RPN1: variants seen among roughly 807,000 people sequenced by gnomAD.
The protein encoded by RPN1 is dolichyl-diphosphooligosaccharide--protein glycosyltransferase subunit 1.
In RPN1, 12 loss-of-function variants were observed where a neutral mutation model predicts 55.5. The observed-to-expected ratio is 0.22, with a 90% CI of 0.14 to 0.35. The LOEUF is 0.35. Among genes scored for constraint, RPN1 ranks in the 10% least tolerant of loss-of-function variants. The pLI is 1.00. For missense variants in RPN1, 679 were observed against 761.3 expected, an observed-to-expected ratio of 0.89 and a Z score of 1.27; for synonymous variants, 317 against 305.9, an observed-to-expected ratio of 1.04 and a Z score of -0.38.
chr3:128,648,961 T>C (rs1317959281), intron 1 of RPN1, among the ~76,000 whole-genome samples: 7 of 152,204 alleles, frequency 4.6e-5, no homozygotes, highest in African/African-American at 9.6e-5. Context: ...TTGCCTGCTA[T>C]ATGAGGATTT....
intron 9 of RPN1, 125 bp downstream of exon 9, chr3:128,622,039 G>A: frequency 1.1e-6 from 1 of 941,064 alleles, no homozygotes; most frequent in Non-Finnish European, 1.6e-6. Flanking sequence ...AAAAGTTATG[G>A]CCAGATGCAG....
At position 128,650,790 on chromosome 3, in the gene RPN1, G is replaced by T; in HGVS notation, c.11C>A (p.Pro4Gln). 1 of 1,534,876 alleles carries T rather than the reference G, an allele frequency of 6.5e-7. No individual in the cohort carries two copies. Among genetic ancestry groups the T allele is most frequent in the Non-Finnish European group, 8.8e-7 (1 of 1,138,546 alleles). Residue 4 changes from proline to glutamine, a missense_variant, in exon 1 of 10, where the codon CCA becomes CAA. Physicochemically the swap from Pro to Gln is moderately conservative, Grantham distance 76. Coordinates refer to ENST00000296255, the MANE Select transcript of RPN1 (RefSeq NM_002950.4). ...CAGGAGCAGAAACAAGCCGGCGGCT[G>T]GCGCCTCCATGACCGGGAAGAGCAG... MEA[P>Q]AAGLFLLLLL...
At chr3:128,630,193 G>T in intron 4 of RPN1, 50 bp from the exon 5 acceptor site, 1 of 1,318,892 alleles carries the variant, frequency 7.6e-7, no homozygotes, top group Non-Finnish European at 1.1e-6. Context: ...CCAGCTGAGA[G>T]GAAATGATCC....
chr3:128,625,697 A>G, intron 7 of RPN1, 44 bp from the exon 8 acceptor site: 6 of 1,612,678 alleles, frequency 3.7e-6, no homozygotes, highest in Non-Finnish European at 5.1e-6. Context: ...CTGTAGGGAC[A>G]TGGGAGCCTA....
intron 2 of RPN1, among the ~76,000 whole-genome samples, chr3:128,641,461 C>T (rs1319904608): frequency 6.6e-6 from 1 of 152,128 alleles, no homozygotes; most frequent in African/African-American, 2.4e-5. Context: ...ACTAAACACA[C>T]CATGAAATGT....
chr3:128,627,817 A>G (rs1253641762), intron 5 of RPN1, among the ~76,000 whole-genome samples: 3 of 152,178 alleles, frequency 2.0e-5, no homozygotes. Context: ...AAATGGGATG[A>G]AAACAAGAAC....
At chr3:128,633,384 G>A (rs557759370) in intron 3 of RPN1, among the ~76,000 whole-genome samples, 22 of 151,766 alleles carry the variant, frequency 1.4e-4, no homozygotes, top group Admixed American at 1.4e-3. Context: ...ATGCCACCAC[G>A]CCCAGCTAAT....
At chr3:128,631,745 G>GA (rs1394763319) in intron 4 of RPN1, among the ~76,000 whole-genome samples, 3 of 151,588 alleles carry the variant, frequency 2.0e-5, no homozygotes, top group Admixed American at 2.0e-4. Flanking sequence ...CTGTCTCAAA[G>GA]AAAAAAAAGA....
At chr3:128,631,855 TG>T in intron 4 of RPN1, 92 bp downstream of exon 4, 1 of 1,363,534 alleles carries the variant, frequency 7.3e-7, no homozygotes, top group Non-Finnish European at 1.0e-6. Flanking sequence ...CCTAAACAAC[TG>T]CCTAAATATT....
At chr3:128,646,201 C>A (rs1279408071) in intron 1 of RPN1, among the ~76,000 whole-genome samples, 1 of 128,412 alleles carries the variant, frequency 7.8e-6, no homozygotes, top group Non-Finnish European at 1.6e-5. Flanking sequence ...CCAGCCTGGT[C>A]GACAGAGTGA....
chr3:128,631,825 C>T (rs2069644162), intron 4 of RPN1, 123 bp downstream of exon 4: 1 of 993,586 alleles, frequency 1.0e-6, no homozygotes, highest in African/African-American at 1.6e-5. Flanking sequence ...TGCCAATCAA[C>T]AAGATGAACA....
intron 8 of RPN1, among the ~76,000 whole-genome samples, chr3:128,623,482 G>A (rs1032006676): frequency 2.0e-5 from 3 of 152,118 alleles, no homozygotes; most frequent in African/African-American, 7.2e-5. Context: ...AGGCTGCAGT[G>A]AGCCCTGATC....
At chr3:128,622,680 G>A (rs538619348) in intron 8 of RPN1, among the ~76,000 whole-genome samples, 1 of 152,070 alleles carries the variant, frequency 6.6e-6, no homozygotes, top group East Asian at 1.9e-4. Context: ...AGATCACGAG[G>A]TCAGGAGTTC....
intron 1 of RPN1, 54 bp downstream of exon 1, chr3:128,650,486 G>GA: frequency 2.7e-6 from 4 of 1,479,606 alleles, no homozygotes; most frequent in Non-Finnish European, 3.6e-6. Context: ...GGACCGCCAG[G>GA]AAGGGAGGCG....
intron 1 of RPN1, among the ~76,000 whole-genome samples, chr3:128,648,573 AAAAAG>A (rs1432203176): frequency 2.0e-5 from 3 of 151,998 alleles, no homozygotes; most frequent in Admixed American, 6.6e-5. Flanking sequence ...AAAAAAAAAG[AAAAAG>A]AAAAGAACCC....
chr3:128,640,767 C>T (rs1332732215), intron 2 of RPN1, among the ~76,000 whole-genome samples: 1 of 152,156 alleles, frequency 6.6e-6, no homozygotes, highest in Non-Finnish European at 1.5e-5. Context: ...AGACCCATCC[C>T]TTCCTTTGCC....
intron 8 of RPN1, among the ~76,000 whole-genome samples, chr3:128,624,117 G>A (rs2069580994): frequency 6.6e-6 from 1 of 151,912 alleles, no homozygotes; most frequent in African/African-American, 2.4e-5. Context: ...TATACAAAAA[G>A]TCAGCCCTCC....
intron 2 of RPN1, among the ~76,000 whole-genome samples, chr3:128,640,627 T>G (rs191435405): frequency 6.6e-6 from 1 of 152,304 alleles, no homozygotes; most frequent in Non-Finnish European, 1.5e-5. Flanking sequence ...TCATTCATGA[T>G]CCCAAGTCTT....
rs374725280 is a variant in RPN1, at chr3:128,649,085, A to T, written c.261+1455T>A. ...AAAGTATCTTACCACAGAAACAAAC[A>T]AACTAAAGGACAAAAGGAAACTTCT... is the stretch of plus-strand genomic sequence containing the variant. On this transcript the variant is annotated intron_variant, in intron 1 of 9. Transcript: ENST00000296255. 3.5e-4 allele frequency among the ~76,000 whole-genome samples: 54 copies of T among 152,326 alleles called. No individual in the cohort carries two copies. The East Asian group carries it at 6.5e-3, about 18-fold the overall frequency.
Sources: allele counts gnomAD v4.1 joint callset (sites outside exome capture counted in the v4.1 genomes callset), GRCh38; gene constraint gnomAD v4.1.1; transcripts MANE v1.5; gene names NCBI Gene and HGNC (gene_info 2026-07-23, HGNC 2026-07-21).